IMMP2L: variants seen among roughly 807,000 people sequenced by gnomAD.
IMMP2L encodes the protein mitochondrial inner membrane protease subunit 2.
Under a neutral mutation model 19.3 loss-of-function variants are expected in IMMP2L, and 18 were observed. The ratio of observed to expected loss-of-function variants is 0.93; its 90% CI spans 0.64 to 1.38. The LOEUF is 1.38. Among genes scored for constraint, IMMP2L ranks in the 40% most tolerant of loss-of-function variants. The probability of loss-of-function intolerance (pLI) is 0.00; values close to 1 mark genes in which losing one functional copy is unlikely to be tolerated. For synonymous variants in IMMP2L, 76 were observed against 73.0 expected (o/e 1.04, Z -0.21); for missense variants, 233 against 218.2 (o/e 1.07, Z -0.43).
chr7:111,386,045 T>A (rs37671), intron 3 of IMMP2L, among the ~76,000 whole-genome samples: 13,602 of 151,500 alleles, frequency 0.09, 716 homozygotes, highest in African/African-American at 0.13. Flanking sequence ...CACTCCCAGC[T>A]AATTTTTTTT....
intron 5 of IMMP2L, among the ~76,000 whole-genome samples, chr7:110,869,938 T>C (rs186850203): frequency 6.6e-6 from 1 of 152,218 alleles, no homozygotes; most frequent in Non-Finnish European, 1.5e-5. Flanking sequence ...CTCTTTGATA[T>C]CTTGACAAAT....
At chr7:111,478,847 T>C (rs1179642900) in intron 3 of IMMP2L, among the ~76,000 whole-genome samples, 1 of 152,198 alleles carries the variant, frequency 6.6e-6, no homozygotes, top group Non-Finnish European at 1.5e-5. Context: ...ATGCATGGTA[T>C]AATTTTTTAT....
intron 3 of IMMP2L, among the ~76,000 whole-genome samples, chr7:111,243,275 A>G (rs1264600635): frequency 1.3e-5 from 2 of 152,012 alleles, no homozygotes; most frequent in African/African-American, 2.4e-5. Context: ...AGAGTTCTCA[A>G]TAAATACTAA....
intron 5 of IMMP2L, among the ~76,000 whole-genome samples, chr7:110,681,322 T>C (rs1385181247): frequency 6.6e-6 from 1 of 152,072 alleles, no homozygotes; most frequent in Non-Finnish European, 1.5e-5. Context: ...AAATTGTAAT[T>C]TTGTTAAGGG....
At chr7:111,068,071 T>C (rs1370118657) in intron 3 of IMMP2L, among the ~76,000 whole-genome samples, 1 of 152,098 alleles carries the variant, frequency 6.6e-6, no homozygotes, top group Non-Finnish European at 1.5e-5. Context: ...AATAAAATCA[T>C]AAACCATTTT....
intron 4 of IMMP2L, among the ~76,000 whole-genome samples, chr7:110,888,914 T>C (rs1191782307): frequency 1.3e-5 from 2 of 152,300 alleles, no homozygotes; most frequent in African/African-American, 2.4e-5. Flanking sequence ...TCAGTAAACA[T>C]TTGTTAAATG....
Position 110,712,031 on chromosome 7 carries a change from A to G in IMMP2L, c.409-48310T>C, listed in dbSNP as rs1316318666. On this transcript the variant is annotated intron_variant, in intron 5 of 5. Transcript: ENST00000405709. ...AGCTCGTCAAAATCATTCTCCATCC[A>G]GCTTTGTTCTGTTGCTGGTGAGGAA... 8.2e-5 allele frequency among the ~76,000 whole-genome samples: 3 copies of G among 36,544 alleles called. 1 individual carries two copies. The highest frequency in any genetic ancestry group is 2.2e-4 in the African/African-American group (3 of 13,566). 24.0% of individuals were successfully genotyped at this position (36,544 alleles called of 152,430 possible).
chr7:110,936,495 A>G (rs1816125731), intron 4 of IMMP2L, among the ~76,000 whole-genome samples: 1 of 152,250 alleles, frequency 6.6e-6, no homozygotes, highest in African/African-American at 2.4e-5. Context: ...CAAAACTGCA[A>G]TGAGATACCA....
chr7:111,217,041 G>A (rs2129619825), intron 3 of IMMP2L, among the ~76,000 whole-genome samples: 1 of 151,774 alleles, frequency 6.6e-6, no homozygotes, highest in South Asian at 2.1e-4. Context: ...AAAATTGCCA[G>A]TGTAAATTCT....
intron 4 of IMMP2L, chr7:110,963,229 A>T (rs2129555547): frequency 1.5e-6 from 1 of 648,626 alleles, no homozygotes; most frequent in African/African-American, 1.8e-5. Flanking sequence ...CTGATCAATA[A>T]TGATTTAATG....
intron 3 of IMMP2L, among the ~76,000 whole-genome samples, chr7:111,317,254 A>G (rs971239066): frequency 1.3e-4 from 20 of 152,090 alleles, no homozygotes; most frequent in African/African-American, 3.6e-4. Flanking sequence ...ACCTCATTTC[A>G]TTCAAGAGAT....
chr7:110,694,551 G>C (rs1042554724), intron 5 of IMMP2L, among the ~76,000 whole-genome samples: 2 of 152,088 alleles, frequency 1.3e-5, no homozygotes, highest in Non-Finnish European at 2.9e-5. Flanking sequence ...GTGATTTCTT[G>C]GCAATTATTA....
chr7:110,839,817 T>C (rs1007271975), intron 5 of IMMP2L, among the ~76,000 whole-genome samples: 1 of 152,106 alleles, frequency 6.6e-6, no homozygotes, highest in Non-Finnish European at 1.5e-5. Flanking sequence ...AGCAGATATA[T>C]TTTAGTAAAT....
intron 5 of IMMP2L, among the ~76,000 whole-genome samples, chr7:110,698,435 A>C (rs777605682): frequency 1.1e-4 from 17 of 152,166 alleles, no homozygotes; most frequent in Non-Finnish European, 1.5e-5. Flanking sequence ...TTATTATTTC[A>C]TTGTAATTCA....
At chr7:110,955,717 C>T (rs908736466) in intron 4 of IMMP2L, among the ~76,000 whole-genome samples, 3 of 151,962 alleles carry the variant, frequency 2.0e-5, no homozygotes, top group Non-Finnish European at 2.9e-5. Flanking sequence ...AAATAAAACT[C>T]TTAGCTGCCA....
chr7:110,917,943 G>A lies in IMMP2L; in HGVS notation c.306-31248C>T, dbSNP rs911638314. On this transcript the variant is annotated intron_variant, in intron 4 of 5. Transcript: ENST00000405709. ...AGAAAAATATGTCAAGAAATTATTA[G>A]GTACTACTAGAGTGCTGCTCAAATA... is the stretch of plus-strand genomic sequence containing the variant. Among the ~76,000 whole-genome samples the A allele has an allele frequency of 2.6e-5, 4 of 152,038 alleles. No homozygotes were observed. The East Asian group carries it at 7.7e-4, about 29-fold the overall frequency.
chr7:110,667,595 T>C (rs952063156), intron 5 of IMMP2L, among the ~76,000 whole-genome samples: 1 of 152,184 alleles, frequency 6.6e-6, no homozygotes, highest in Non-Finnish European at 1.5e-5. Context: ...GCAGTGCTGC[T>C]GGCTTTGAAG....
intron 3 of IMMP2L, among the ~76,000 whole-genome samples, chr7:111,410,231 T>C (rs1402742850): frequency 6.6e-6 from 1 of 151,566 alleles, no homozygotes; most frequent in Admixed American, 6.6e-5. Context: ...CTGTAGAGAC[T>C]CCAGAAAGCT....
At chr7:110,669,704 C>A (rs1791759439) in intron 5 of IMMP2L, among the ~76,000 whole-genome samples, 1 of 152,138 alleles carries the variant, frequency 6.6e-6, no homozygotes, top group Admixed American at 6.6e-5. Flanking sequence ...TATTTCGTAG[C>A]CGAGGTAGTG....
Sources: allele counts gnomAD v4.1 joint callset (sites outside exome capture counted in the v4.1 genomes callset), GRCh38; gene constraint gnomAD v4.1.1; transcripts MANE v1.5; gene names NCBI Gene and HGNC (gene_info 2026-07-23, HGNC 2026-07-21).